The following GCLC variants were observed in gnomAD, a reference collection of about 807,000 sequenced individuals.
The protein encoded by GCLC is glutamate-cysteine ligase catalytic subunit.
Under a neutral mutation model 81.5 loss-of-function variants are expected in GCLC, and 30 were observed. The ratio of observed to expected loss-of-function variants is 0.37; its 90% CI spans 0.28 to 0.50. The LOEUF (loss-of-function observed/expected upper bound fraction) is 0.50. Among genes scored for constraint, GCLC ranks in the 20% least tolerant of loss-of-function variants. GCLC has a pLI of 0.96. For missense variants in GCLC, 556 were observed against 777.4 expected, an observed-to-expected ratio of 0.72 and a Z score of 3.39; for synonymous variants, 262 against 273.3, an observed-to-expected ratio of 0.96 and a Z score of 0.41.
At position 53,497,416 on chromosome 6, in the gene GCLC, C is replaced by G. The variant is rs1365806505; in HGVS notation, c.*1340G>C. 1 of 152,158 alleles carries G rather than the reference C, an allele frequency of 6.6e-6. No individual in the cohort carries two copies. The highest frequency in any genetic ancestry group is 1.5e-5 in the Non-Finnish European group (1 of 68,022). 9.4% of individuals were successfully genotyped at this position (152,158 alleles called of 1,614,324 possible). On this transcript the variant is annotated 3_prime_UTR_variant, in exon 16 of 16. Transcript: ENST00000650454. ...TTTCAATTTATCTGCCTTTTTACAA[C>G]CTGATTTACACAAGCAAATTGCAAA... is the stretch of plus-strand genomic sequence containing the variant.
chr6:53,535,330 C>A (rs955840079), intron 1 of GCLC, among the ~76,000 whole-genome samples: 5 of 152,202 alleles, frequency 3.3e-5, no homozygotes, highest in Non-Finnish European at 5.9e-5. Context: ...GCCTGGCCAA[C>A]ATGGCGAAAC....
intron 1 of GCLC, among the ~76,000 whole-genome samples, chr6:53,523,732 C>T (rs968765419): frequency 1.3e-5 from 2 of 152,098 alleles, no homozygotes; most frequent in African/African-American, 4.8e-5. Context: ...CAGCCGTCCT[C>T]ATCACAGAAA....
At chr6:53,500,620 C>A in intron 12 of GCLC, 107 bp from the exon 13 acceptor site, 2 of 811,588 alleles carry the variant, frequency 2.5e-6, no homozygotes, top group Non-Finnish European at 2.2e-6. Context: ...CTTAGGGATT[C>A]TACTTTCTGC....
intron 1 of GCLC, among the ~76,000 whole-genome samples, chr6:53,538,136 CTTTTTTTTTTTTTTTTT>C (rs10588842): frequency 2.5e-5 from 2 of 78,904 alleles, no homozygotes; most frequent in Non-Finnish European, 4.6e-5. Flanking sequence ...TTTTTCTTTC[CTTTTTTTTTTTTTTTTT>C]TTTTTTTTTT....
intron 1 of GCLC, among the ~76,000 whole-genome samples, chr6:53,530,367 C>T (rs912384879): frequency 3.3e-5 from 5 of 152,166 alleles, no homozygotes; most frequent in African/African-American, 1.2e-4. Context: ...TAACTGTAAC[C>T]TGTGGGATTT....
chr6:53,511,633 A>T (rs1764743752), intron 6 of GCLC, among the ~76,000 whole-genome samples: 1 of 152,100 alleles, frequency 6.6e-6, no homozygotes, highest in Non-Finnish European at 1.5e-5. Flanking sequence ...GCTGATATGC[A>T]ATCAAATTAA....
chr6:53,504,851 T>C (rs1427051784), intron 12 of GCLC, among the ~76,000 whole-genome samples: 1 of 152,188 alleles, frequency 6.6e-6, no homozygotes, highest in African/African-American at 2.4e-5. Context: ...AGCCACTCTC[T>C]GCCAAGAGGA....
In GCLC at chr6:53,500,089, C is replaced by T. The variant is rs1581726015; in HGVS notation, c.1658G>A (p.Cys553Tyr). 2 of 1,609,692 alleles carry T rather than the reference C, an allele frequency of 1.2e-6. No individual in the cohort carries two copies. Among genetic ancestry groups the T allele is most frequent in the Non-Finnish European group, 1.7e-6 (2 of 1,175,928 alleles). Residue 553 changes from cysteine to tyrosine, a missense_variant, in exon 15 of 16, where the codon TGT becomes TAT. By Grantham distance (194) the Cys-to-Tyr change is radical (BLOSUM62 -2). Coordinates refer to ENST00000650454, the MANE Select transcript of GCLC (RefSeq NM_001498.4). ...TAGCTTTAGGTAGTTCAGAATACTA[C>T]ATCTGGTGTCCACATCCACTTCCAT... ...ENMEVDVDTR[C>Y]SILNYLKLIK...
intron 1 of GCLC, among the ~76,000 whole-genome samples, chr6:53,535,898 T>C (rs575071718): frequency 5.9e-5 from 9 of 152,326 alleles, no homozygotes; most frequent in African/African-American, 2.2e-4. Flanking sequence ...CTGGAAAAGT[T>C]TGGTATTATA....
rs929064386 is a variant in GCLC, at chr6:53,506,209, T to C, written c.1198-314A>G. 1 of 358,226 alleles carries C rather than the reference T, an allele frequency of 2.8e-6. No individual in the cohort carries two copies. The highest frequency in any genetic ancestry group is 5.4e-6 in the Non-Finnish European group (1 of 186,814). 22.2% of individuals were successfully genotyped at this position (358,226 alleles called of 1,614,324 possible). On this transcript the variant is annotated intron_variant, in intron 10 of 15. Transcript: ENST00000650454. The surrounding 1 kb of genome is among the most constrained non-coding windows in gnomAD (Gnocchi z 4.0). ...CCCCCACCTTCATCCCTGAGAATTTTAGGAGCCAGCCTGCCTTTCCAGGTG... is the reference window on the plus strand; with the variant it reads ...CCCCCACCTTCATCCCTGAGAATTTCAGGAGCCAGCCTGCCTTTCCAGGTG...
rs751520474 is a variant in GCLC at position 53,522,405 on chromosome 6, G to A, written c.263+10C>T. ...TTTCAGAAACACTAAATCAGCACAT[G>A]AGAGCTTACTTTGGGTTTGTCCTTT... On this transcript the variant is annotated intron_variant, in intron 2 of 15. Transcript: ENST00000650454. 5 of 1,463,172 alleles carry A rather than the reference G, an allele frequency of 3.4e-6. No homozygotes were observed. The highest frequency in any genetic ancestry group is 4.8e-6 in the Non-Finnish European group (5 of 1,042,136). 90.6% of individuals were successfully genotyped at this position (1,463,172 alleles called of 1,614,324 possible).
chr6:53,533,051 TC>T (rs1763199364), intron 1 of GCLC, among the ~76,000 whole-genome samples: 1 of 152,178 alleles, frequency 6.6e-6, no homozygotes, highest in Non-Finnish European at 1.5e-5. Context: ...TGGCTATAAG[TC>T]TGAGGCTCAT....
At chr6:53,518,923 T>A (rs1178551457) in intron 3 of GCLC, among the ~76,000 whole-genome samples, 4 of 152,222 alleles carry the variant, frequency 2.6e-5, no homozygotes, top group African/African-American at 9.6e-5. Context: ...CCTTGATGTG[T>A]CTTCTCTCCC....
intron 3 of GCLC, 48 bp from the exon 4 acceptor site, chr6:53,516,270 T>TA (rs1402972715): frequency 8.2e-7 from 1 of 1,224,080 alleles, no homozygotes; most frequent in African/African-American, 1.5e-5. Context: ...TTTCAAGAAT[T>TA]AATTGTGTGC....
chr6:53,509,092 A>C (rs572888822), intron 7 of GCLC, 84 bp downstream of exon 7: 71 of 856,796 alleles, frequency 8.3e-5, no homozygotes, highest in Middle Eastern at 2.9e-4. Flanking sequence ...ACTGGACTTA[A>C]ATAGCACACT....
chr6:53,539,507 G>A (rs981295596), intron 1 of GCLC, among the ~76,000 whole-genome samples: 12 of 152,152 alleles, frequency 7.9e-5, no homozygotes, highest in Admixed American at 2.6e-4. Context: ...GGTTCTTTCT[G>A]GTGTGAAGAG....
At position 53,522,438 on chromosome 6, in the gene GCLC, C is replaced by A. The variant is rs1763015087; in HGVS notation, c.240G>T (p.Glu80Asp). The change falls in exon 2 of 16, where the codon GAG becomes GAT. Residue 80 changes from glutamate (E) to aspartate (D), a missense_variant. Glu to Asp is a conservative substitution (Grantham distance 45, BLOSUM62 2). Transcript: ENST00000650454. The part of the protein sequence containing the change: ...SGEKVLETLQ[E>D]KGERTNPNHP... The stretch of plus-strand genomic sequence containing the variant: ...ACTTTGGGTTTGTCCTTTCCCCCTT[C>A]TCTTGCAGAGTTTCAAGAACTTTCT... 3.1e-6 allele frequency: 5 copies of A among 1,608,356 alleles called. No individual in the cohort carries two copies. Among genetic ancestry groups the A allele is most frequent in the Middle Eastern group, 1.7e-4 (1 of 6,054 alleles).
intron 1 of GCLC, among the ~76,000 whole-genome samples, chr6:53,527,832 C>T (rs981737411): frequency 6.6e-6 from 1 of 152,158 alleles, no homozygotes; most frequent in Non-Finnish European, 1.5e-5. Context: ...AAAATTCAAC[C>T]TCCCATAGGA....
intron 1 of GCLC, among the ~76,000 whole-genome samples, chr6:53,534,769 A>G (rs574050918): frequency 6.6e-6 from 1 of 152,332 alleles, no homozygotes; most frequent in Non-Finnish European, 1.5e-5. Flanking sequence ...AAAAGATGTG[A>G]AAGACCTATA....
Sources: gnomAD v4.1 joint callset for allele counts (sites outside exome capture counted in the v4.1 genomes callset) on GRCh38, gnomAD v4.1.1 for gene constraint, Gnocchi (gnomAD v3.1) non-coding constraint, MANE v1.5 for transcripts, NCBI Gene and HGNC (gene_info 2026-07-23, HGNC 2026-07-21) for gene names.